The following FAF1 variants were observed in gnomAD, a reference collection of about 807,000 sequenced individuals.
The protein encoded by FAF1 is Fas associated factor 1.
FAF1 carries 25 observed loss-of-function variants against 92.5 expected under a neutral mutation model. The ratio of observed to expected loss-of-function variants is 0.27; its 90% CI spans 0.20 to 0.38. The LOEUF (loss-of-function observed/expected upper bound fraction) is 0.38. FAF1 is among the 10% of genes least tolerant of loss of function. The pLI, the probability that FAF1 is intolerant of heterozygous loss-of-function variation, is 1.00. For missense variants in FAF1, 636 were observed against 793.3 expected, an observed-to-expected ratio of 0.80 and a Z score of 2.38; for synonymous variants, 234 against 273.2, an observed-to-expected ratio of 0.86 and a Z score of 1.42.
intron 1 of FAF1, among the ~76,000 whole-genome samples, chr1:50,861,812 T>A (rs78934708): frequency 0.013 from 2,004 of 151,674 alleles, 42 homozygotes; most frequent in African/African-American, 0.044. Context: ...AAAAAAAAAA[T>A]TTCTGTCTCC....
At chr1:50,683,889 G>A (rs1176667438) in intron 7 of FAF1, among the ~76,000 whole-genome samples, 5 of 150,060 alleles carry the variant, frequency 3.3e-5, no homozygotes, top group Admixed American at 6.7e-5. Context: ...CCAAGATCGC[G>A]CCATTGCACT....
intron 8 of FAF1, among the ~76,000 whole-genome samples, chr1:50,617,946 G>C (rs920217813): frequency 1.1e-4 from 16 of 152,018 alleles, no homozygotes; most frequent in South Asian, 4.2e-4. Context: ...TGTGTGCATA[G>C]AGTTGTTCAT....
intron 7 of FAF1, among the ~76,000 whole-genome samples, chr1:50,697,265 G>C (rs957716122): frequency 2.0e-5 from 3 of 152,056 alleles, no homozygotes; most frequent in Admixed American, 1.3e-4. Context: ...TGCATACAGG[G>C]ACACTCTAAT....
intron 18 of FAF1, among the ~76,000 whole-genome samples, chr1:50,457,799 G>A (rs1646373712): frequency 6.7e-6 from 1 of 148,940 alleles, no homozygotes; most frequent in African/African-American, 2.5e-5. Context: ...AGCTACTGGG[G>A]AGGTTGAGGC....
At chr1:50,942,021 G>A (rs894430176) in intron 1 of FAF1, among the ~76,000 whole-genome samples, 3 of 151,968 alleles carry the variant, frequency 2.0e-5, no homozygotes, top group African/African-American at 7.3e-5. Context: ...CTTTGTAGTC[G>A]AACAAATCTG....
chr1:50,558,944 C>T (rs1371644406), intron 13 of FAF1, among the ~76,000 whole-genome samples: 2 of 152,086 alleles, frequency 1.3e-5, no homozygotes, highest in South Asian at 2.1e-4. Context: ...TCTCAAAGAA[C>T]ATTTTTAAAA....
chr1:50,555,181 C>T (rs561727471), intron 13 of FAF1, among the ~76,000 whole-genome samples: 89 of 151,868 alleles, frequency 5.9e-4, no homozygotes, highest in Middle Eastern at 3.4e-3. Context: ...CAAGATCGTG[C>T]CACTGCATTC....
chr1:50,896,939 T>C (rs1043545941), intron 1 of FAF1, among the ~76,000 whole-genome samples: 1 of 152,080 alleles, frequency 6.6e-6, no homozygotes, highest in African/African-American at 2.4e-5. Context: ...AGATGGTGAA[T>C]ATTACATTAT....
chr1:50,819,802 CAT>C lies in FAF1; in HGVS notation c.115-18127_115-18126del, dbSNP rs760445644. The stretch of plus-strand genomic sequence containing the variant: ...ACATATATATACATATATATATATA[CAT>C]ATATATATATATATAGTATTGTATA... On this transcript the variant is annotated intron_variant, in intron 2 of 18. Transcript: ENST00000396153. 6.5e-3 allele frequency among the ~76,000 whole-genome samples: 556 copies of C among 86,192 alleles called. 27 individuals are homozygous for C. The highest frequency in any genetic ancestry group is 0.02 in the African/African-American group (419 of 21,058). 56.5% of individuals were successfully genotyped at this position (86,192 alleles called of 152,430 possible).
chr1:50,812,168 CA>C (rs374951537), intron 2 of FAF1, among the ~76,000 whole-genome samples: 20 of 152,088 alleles, frequency 1.3e-4, no homozygotes, highest in African/African-American at 4.1e-4. Context: ...ACAAACACGC[CA>C]AAAGCAACTG....
intron 8 of FAF1, among the ~76,000 whole-genome samples, chr1:50,624,313 A>T (rs1027001169): frequency 6.6e-6 from 1 of 152,046 alleles, no homozygotes; most frequent in African/African-American, 2.4e-5. Context: ...ACGCCCAGCT[A>T]ATTTTTTGTA....
intron 7 of FAF1, among the ~76,000 whole-genome samples, chr1:50,666,831 C>T (rs779979666): frequency 6.6e-6 from 1 of 152,064 alleles, no homozygotes; most frequent in Non-Finnish European, 1.5e-5. Flanking sequence ...TGCAGTGAGA[C>T]GAGGCCACAC....
At chr1:50,467,877 G>C (rs542034864) in intron 18 of FAF1, among the ~76,000 whole-genome samples, 2 of 152,186 alleles carry the variant, frequency 1.3e-5, no homozygotes, top group South Asian at 4.2e-4. Flanking sequence ...GTGCTAATTA[G>C]CTTGATTTAC....
intron 15 of FAF1, 91 bp downstream of exon 15, chr1:50,535,278 C>T (rs147590569): frequency 3.1e-4 from 252 of 817,198 alleles, no homozygotes; most frequent in African/African-American, 2.2e-3. Flanking sequence ...CCTTATTTAT[C>T]GATCATATCA....
intron 2 of FAF1, among the ~76,000 whole-genome samples, chr1:50,828,347 C>A (rs546863736): frequency 7.9e-5 from 12 of 151,540 alleles, no homozygotes; most frequent in African/African-American, 1.2e-4. Flanking sequence ...TGGCTCACTG[C>A]AAGCTCCACC....
chr1:50,598,938 C>G (rs1572859994), intron 8 of FAF1, among the ~76,000 whole-genome samples: 1 of 151,686 alleles, frequency 6.6e-6, no homozygotes, highest in Admixed American at 6.6e-5. Context: ...CCATTGCACT[C>G]CAACCTGGAC....
At chr1:50,885,312 T>TCTCTCTCTCTCACACACACACACACACA (rs906105476) in intron 1 of FAF1, among the ~76,000 whole-genome samples, 1 of 137,370 alleles carries the variant, frequency 7.3e-6, no homozygotes, top group African/African-American at 2.9e-5. Context: ...TCTCTCTCTC[T>TCTCTCTCTCTCACACACACACACACACA]CACACACACA....
intron 1 of FAF1, among the ~76,000 whole-genome samples, chr1:50,926,527 T>C (rs1645007174): frequency 6.6e-6 from 1 of 151,964 alleles, no homozygotes; most frequent in Admixed American, 6.6e-5. Flanking sequence ...TGGGGTGACA[T>C]GGTTAACTAT....
At chr1:50,737,027 A>G (rs563377204) in intron 6 of FAF1, among the ~76,000 whole-genome samples, 1 of 152,342 alleles carries the variant, frequency 6.6e-6, no homozygotes, top group East Asian at 1.9e-4. Flanking sequence ...GTACATTAAC[A>G]TAACTTTTAC....
Sources: gnomAD v4.1 joint callset for allele counts (sites outside exome capture counted in the v4.1 genomes callset) on GRCh38, gnomAD v4.1.1 for gene constraint, MANE v1.5 for transcripts, NCBI Gene and HGNC (gene_info 2026-07-23, HGNC 2026-07-21) for gene names.